Variants in SRBD1 observed in about 807,000 individuals in gnomAD.
The protein encoded by SRBD1 is S1 RNA binding domain 1, also known as S1 RNA-binding domain-containing protein 1.
Under a neutral mutation model 115.3 loss-of-function variants are expected in SRBD1, and 88 were observed. That is an observed-to-expected ratio of 0.76 (90% CI 0.64 to 0.91). The LOEUF (loss-of-function observed/expected upper bound fraction) is 0.91, where lower values mean the gene tolerates loss of function less well. SRBD1 is among the 40% of genes least tolerant of loss of function. The pLI is 0.00. For missense variants in SRBD1, 1,385 were observed against 1,177.4 expected, an observed-to-expected ratio of 1.18 and a Z score of -2.58; for synonymous variants, 509 against 407.7, an observed-to-expected ratio of 1.25 and a Z score of -2.99.
At chr2:45,479,775 C>A (rs1191525724) in intron 15 of SRBD1, among the ~76,000 whole-genome samples, 1 of 152,172 alleles carries the variant, frequency 6.6e-6, no homozygotes, top group Non-Finnish European at 1.5e-5. Context: ...TCAATGTAAA[C>A]AAAATAGCCT....
At chr2:45,569,813 A>T (rs1431865169) in intron 9 of SRBD1, among the ~76,000 whole-genome samples, 1 of 152,234 alleles carries the variant, frequency 6.6e-6, no homozygotes, top group Non-Finnish European at 1.5e-5. Flanking sequence ...AAGGAAGCCA[A>T]CAGCAGAGCA....
intron 4 of SRBD1, among the ~76,000 whole-genome samples, chr2:45,597,521 T>C (rs1004504309): frequency 6.6e-6 from 1 of 152,184 alleles, no homozygotes; most frequent in East Asian, 1.9e-4. Context: ...TGTCATTTTC[T>C]ATCCTCTGTA....
At chr2:45,537,908 G>C (rs1671814138) in intron 14 of SRBD1, among the ~76,000 whole-genome samples, 1 of 152,160 alleles carries the variant, frequency 6.6e-6, no homozygotes, top group Admixed American at 6.5e-5. Flanking sequence ...AAGAGAATAG[G>C]TGCAAGCCTA....
rs138952721 is a variant in SRBD1, at chr2:45,593,439, T to A, written c.648+6010A>T. 2.6e-5 allele frequency among the ~76,000 whole-genome samples: 4 copies of A among 152,240 alleles called. 1 individual carries two copies. Among genetic ancestry groups the A allele is most frequent in the African/African-American group, 9.6e-5 (4 of 41,534 alleles). On this transcript the variant is annotated intron_variant, in intron 4 of 20. Coordinates refer to ENST00000263736, the MANE Select transcript of SRBD1 (RefSeq NM_018079.5). ...TGGGGGGCGGTTTCCCCTATGCTGGTCTCAGGATAATGAGTCTCATGAGAT... is the reference window on the plus strand; with the variant it reads ...TGGGGGGCGGTTTCCCCTATGCTGGACTCAGGATAATGAGTCTCATGAGAT...
At chr2:45,568,420 T>TGAGG (rs1263488311) in intron 9 of SRBD1, among the ~76,000 whole-genome samples, 2 of 152,174 alleles carry the variant, frequency 1.3e-5, no homozygotes, top group Non-Finnish European at 2.9e-5. Context: ...ATTTAGGACA[T>TGAGG]GAGGTCTCAG....
chr2:45,538,225 C>G (rs1368376211), intron 14 of SRBD1, among the ~76,000 whole-genome samples: 1 of 152,104 alleles, frequency 6.6e-6, no homozygotes, highest in Non-Finnish European at 1.5e-5. Context: ...TTCATAACAC[C>G]CCATGAAAGG....
intron 14 of SRBD1, among the ~76,000 whole-genome samples, chr2:45,523,278 A>G (rs1267534182): frequency 1.4e-5 from 2 of 139,306 alleles, no homozygotes; most frequent in South Asian, 2.5e-4. Context: ...AACGCTGGAA[A>G]AAAAAAAAAA....
At chr2:45,461,515 C>A (rs993347056) in intron 16 of SRBD1, among the ~76,000 whole-genome samples, 5 of 152,138 alleles carry the variant, frequency 3.3e-5, no homozygotes, top group African/African-American at 1.2e-4. Flanking sequence ...ACAACAAGTG[C>A]TTTCTATATA....
chr2:45,399,338 T>C (rs1239192629), intron 19 of SRBD1, among the ~76,000 whole-genome samples: 1 of 152,206 alleles, frequency 6.6e-6, no homozygotes, highest in Non-Finnish European at 1.5e-5. Flanking sequence ...TGAATGAGCT[T>C]ACAATCTAAT....
At chr2:45,469,562 A>G (rs943821050) in intron 16 of SRBD1, among the ~76,000 whole-genome samples, 4 of 152,242 alleles carry the variant, frequency 2.6e-5, no homozygotes, top group Admixed American at 2.0e-4. Flanking sequence ...GTGTGTATAC[A>G]TGGCTTATTA....
chr2:45,477,807 G>A (rs1168853413), intron 15 of SRBD1, among the ~76,000 whole-genome samples: 1 of 152,176 alleles, frequency 6.6e-6, no homozygotes, highest in African/African-American at 2.4e-5. Context: ...GCCCTGGCAA[G>A]TGATCCTCCT....
In SRBD1 at chr2:45,581,782, T is replaced by C. The variant is rs1673373020; in HGVS notation, c.844A>G (p.Ile282Val). 3 of 1,613,556 alleles carry C rather than the reference T, an allele frequency of 1.9e-6. No individual in the cohort carries two copies. Among genetic ancestry groups the C allele is most frequent in the South Asian group, 2.2e-5 (2 of 91,056 alleles). Residue 282 changes from isoleucine (I) to valine (V), a missense_variant, in exon 6 of 21, where the codon ATC becomes GTC. By Grantham distance (29) the Ile-to-Val change is conservative. Transcript: ENST00000263736. ...TTCCCTTCCTTCTTAATTTTCTGGA[T>C]TGTACTATGAACTTTCTTTGCAACA... Reference protein sequence around the residue: ...RAVAKKVHSTIQKIKKEGKMS... With the variant: ...RAVAKKVHSTVQKIKKEGKMS...
intron 16 of SRBD1, among the ~76,000 whole-genome samples, chr2:45,463,111 A>C (rs1294189260): frequency 6.6e-6 from 1 of 152,118 alleles, no homozygotes; most frequent in Non-Finnish European, 1.5e-5. Context: ...CCAGAAAGAA[A>C]GACAATGTAA....
At chr2:45,608,227 C>T (rs1674333350) in intron 1 of SRBD1, among the ~76,000 whole-genome samples, 2 of 152,156 alleles carry the variant, frequency 1.3e-5, no homozygotes, top group African/African-American at 4.8e-5. Context: ...TTATAAGGCA[C>T]CCCGAAAGCA....
intron 2 of SRBD1, among the ~76,000 whole-genome samples, chr2:45,603,999 A>C (rs1674183169): frequency 6.6e-6 from 1 of 152,066 alleles, no homozygotes; most frequent in African/African-American, 2.4e-5. Context: ...AGTCTTTCCA[A>C]AATGTCTGTC....
intron 19 of SRBD1, 24 bp from the exon 20 acceptor site, chr2:45,393,153 G>A (rs376306183): frequency 3.7e-5 from 59 of 1,577,818 alleles, no homozygotes; most frequent in East Asian, 2.0e-4. Context: ...AATAAAAAGC[G>A]CAACACTTAA....
At chr2:45,573,153 C>A in intron 9 of SRBD1, 54 bp downstream of exon 9, 1 of 1,497,346 alleles carries the variant, frequency 6.7e-7, no homozygotes, top group Non-Finnish European at 8.9e-7. Flanking sequence ...CAGGCAAATC[C>A]AAAATATTAT....
chr2:45,398,734 G>C (rs1303684250), intron 19 of SRBD1, among the ~76,000 whole-genome samples: 2 of 148,734 alleles, frequency 1.3e-5, no homozygotes, highest in Admixed American at 6.8e-5. Flanking sequence ...AGAAATAGTT[G>C]AACAGTGCTC....
intron 11 of SRBD1, 82 bp from the exon 12 acceptor site, chr2:45,551,364 ATTAT>A: frequency 7.6e-7 from 1 of 1,310,600 alleles, no homozygotes; most frequent in Non-Finnish European, 1.0e-6. Context: ...ATTTTGTACA[ATTAT>A]TTCTCAAAGG....
Sources: gnomAD v4.1 joint callset for allele counts (sites outside exome capture counted in the v4.1 genomes callset) on GRCh38, gnomAD v4.1.1 for gene constraint, MANE v1.5 for transcripts, NCBI Gene and HGNC (gene_info 2026-07-23, HGNC 2026-07-21) for gene names.